Variants in GRM5 observed in about 807,000 individuals in gnomAD.
The protein encoded by GRM5 is metabotropic glutamate receptor 5.
A neutral mutation model predicts 83.1 loss-of-function variants in GRM5; 19 were observed. The observed-to-expected ratio is 0.23, with a 90% CI of 0.16 to 0.34. The LOEUF (loss-of-function observed/expected upper bound fraction) is 0.34. GRM5 is among the 10% of genes least tolerant of loss of function. The pLI is 1.00. For synonymous variants in GRM5, 675 were observed against 633.6 expected, an observed-to-expected ratio of 1.07 and a Z score of -0.98; for missense variants, 1,160 against 1,588.3, an observed-to-expected ratio of 0.73 and a Z score of 4.58.
intron 3 of GRM5, among the ~76,000 whole-genome samples, chr11:88,694,285 T>A (rs1591445195): frequency 2.0e-5 from 3 of 152,202 alleles, no homozygotes; most frequent in African/African-American, 7.2e-5. Flanking sequence ...TTTCTTGAAG[T>A]GAACTGTACC....
At chr11:89,010,473 G>C (rs1222927306) in intron 2 of GRM5, among the ~76,000 whole-genome samples, 4 of 152,278 alleles carry the variant, frequency 2.6e-5, no homozygotes, top group Admixed American at 6.5e-5. Flanking sequence ...AAGGATCACA[G>C]AATTATGAAG....
chr11:88,557,341 C>T (rs1942652998), intron 8 of GRM5, among the ~76,000 whole-genome samples: 2 of 152,044 alleles, frequency 1.3e-5, no homozygotes, highest in South Asian at 4.2e-4. Flanking sequence ...ATTATTAATC[C>T]TTATCATCAT....
At chr11:88,727,678 G>GCAAA (rs1208456790) in intron 3 of GRM5, among the ~76,000 whole-genome samples, 2 of 152,084 alleles carry the variant, frequency 1.3e-5, no homozygotes, top group African/African-American at 4.8e-5. Flanking sequence ...GGAAATCATA[G>GCAAA]CAAACAGTCT....
At chr11:88,926,232 A>G (rs1344503531) in intron 2 of GRM5, among the ~76,000 whole-genome samples, 1 of 152,156 alleles carries the variant, frequency 6.6e-6, no homozygotes, top group Non-Finnish European at 1.5e-5. Flanking sequence ...AATCCTTCTA[A>G]AATCAAAAAC....
At chr11:89,007,628 C>CG (rs1394473549) in intron 2 of GRM5, among the ~76,000 whole-genome samples, 4 of 152,068 alleles carry the variant, frequency 2.6e-5, no homozygotes, top group African/African-American at 4.8e-5. Context: ...TTAGGTCATA[C>CG]GGGTTTTATC....
chr11:88,947,584 A>C (rs1457942268), intron 2 of GRM5, among the ~76,000 whole-genome samples: 1 of 150,814 alleles, frequency 6.6e-6, no homozygotes, highest in Non-Finnish European at 1.5e-5. Flanking sequence ...TGGTGAACTC[A>C]TTATTCAAAC....
chr11:88,646,158 G>T (rs1293927844), intron 4 of GRM5, among the ~76,000 whole-genome samples: 2 of 152,062 alleles, frequency 1.3e-5, no homozygotes, highest in Non-Finnish European at 2.9e-5. Flanking sequence ...ATGAATGTCA[G>T]CAAGTGACAG....
At chr11:88,934,885 A>T (rs1713758274) in intron 2 of GRM5, among the ~76,000 whole-genome samples, 1 of 151,950 alleles carries the variant, frequency 6.6e-6, no homozygotes, top group South Asian at 2.1e-4. Flanking sequence ...CTATAGAAAC[A>T]GGCCGTCAAT....
At chr11:88,976,051 CT>C in intron 2 of GRM5, among the ~76,000 whole-genome samples, 1 of 152,270 alleles carries the variant, frequency 6.6e-6, no homozygotes, top group African/African-American at 2.4e-5. Context: ...TGTGAAATTG[CT>C]TATTTGTTAT....
intron 8 of GRM5, among the ~76,000 whole-genome samples, chr11:88,528,163 T>C (rs1279952770): frequency 2.6e-5 from 4 of 151,984 alleles, no homozygotes; most frequent in African/African-American, 7.2e-5. Context: ...CACTGACATA[T>C]AAAAAACAAA....
chr11:88,608,018 A>G (rs1002285418), intron 4 of GRM5, among the ~76,000 whole-genome samples: 2 of 152,328 alleles, frequency 1.3e-5, no homozygotes, highest in East Asian at 3.9e-4. Flanking sequence ...ATGTGACCCC[A>G]GGATATAACA....
intron 3 of GRM5, among the ~76,000 whole-genome samples, chr11:88,774,208 G>T (rs12271638): frequency 0.025 from 3,822 of 152,108 alleles, 169 homozygotes; most frequent in African/African-American, 0.088. Context: ...TATTCCCTTT[G>T]TAGCAACTGT....
chr11:88,724,227 T>C (rs375655444), intron 3 of GRM5, among the ~76,000 whole-genome samples: 3 of 152,318 alleles, frequency 2.0e-5, no homozygotes, highest in Admixed American at 2.0e-4. Flanking sequence ...CCTAAGCACA[T>C]ACCATCCCTG....
At chr11:88,762,830 C>CT (rs1942553088) in intron 3 of GRM5, among the ~76,000 whole-genome samples, 1 of 151,944 alleles carries the variant, frequency 6.6e-6, no homozygotes, top group African/African-American at 2.4e-5. Flanking sequence ...CCATGGAGTA[C>CT]TATGCAGTCA....
intron 3 of GRM5, among the ~76,000 whole-genome samples, chr11:88,682,918 G>A (rs1940530828): frequency 6.7e-6 from 1 of 150,224 alleles, no homozygotes; most frequent in South Asian, 2.1e-4. Context: ...TAGCTTACTG[G>A]TGTTTAAACG....
intron 3 of GRM5, among the ~76,000 whole-genome samples, chr11:88,687,571 A>ATTATATATATAT (rs67868877): frequency 3.6e-5 from 1 of 27,598 alleles, no homozygotes; most frequent in Non-Finnish European, 5.7e-5. Context: ...TTATATATAT[A>ATTATATATATAT]TATATATAAT....
chr11:89,003,644 C>G (rs1033448742), intron 2 of GRM5, among the ~76,000 whole-genome samples: 2 of 152,118 alleles, frequency 1.3e-5, no homozygotes, highest in Admixed American at 1.3e-4. Context: ...TAAAGGAAAT[C>G]TGCTAAGACC....
At chr11:88,584,913 C>G (rs887495782) in intron 7 of GRM5, among the ~76,000 whole-genome samples, 1 of 152,206 alleles carries the variant, frequency 6.6e-6, no homozygotes, top group Non-Finnish European at 1.5e-5. Flanking sequence ...TCACAACACT[C>G]TACTCCAAAA....
At chr11:88,993,670 G>A in intron 2 of GRM5, among the ~76,000 whole-genome samples, 1 of 152,116 alleles carries the variant, frequency 6.6e-6, no homozygotes, top group East Asian at 1.9e-4. Context: ...AAAGATATGA[G>A]AACTATAAAT....
Sources: gnomAD v4.1 joint callset for allele counts (sites outside exome capture counted in the v4.1 genomes callset) on GRCh38, gnomAD v4.1.1 for gene constraint, MANE v1.5 for transcripts, NCBI Gene and HGNC (gene_info 2026-07-23, HGNC 2026-07-21) for gene names.